LYPD6B: variants seen among roughly 807,000 people sequenced by gnomAD.
LYPD6B encodes LY6/PLAUR domain containing 6B.
A neutral mutation model predicts 22.8 loss-of-function variants in LYPD6B; 17 were observed. That is an observed-to-expected ratio of 0.75 (90% CI 0.51 to 1.12). LYPD6B has a LOEUF of 1.12. LYPD6B is among the 50% of genes most tolerant of loss of function. The pLI is 0.00. For missense variants in LYPD6B, 221 were observed against 258.3 expected, an observed-to-expected ratio of 0.86 and a Z score of 0.99; for synonymous variants, 106 against 91.6, an observed-to-expected ratio of 1.16 and a Z score of -0.90.
At chr2:149,132,997 T>C (rs1189708805) in intron 2 of LYPD6B, among the ~76,000 whole-genome samples, 1 of 152,220 alleles carries the variant, frequency 6.6e-6, no homozygotes, top group South Asian at 2.1e-4. Flanking sequence ...GTTTTGTTTT[T>C]ACTAGGTTCT....
chr2:149,147,503 GT>G (rs897134227), intron 2 of LYPD6B, among the ~76,000 whole-genome samples: 15 of 152,010 alleles, frequency 9.9e-5, no homozygotes, highest in African/African-American at 3.4e-4. Flanking sequence ...TTGTTTTTTT[GT>G]TTTTTGTTTG....
intron 1 of LYPD6B, among the ~76,000 whole-genome samples, chr2:149,121,080 C>A (rs868058187): frequency 1.3e-5 from 2 of 152,152 alleles, no homozygotes; most frequent in Admixed American, 6.5e-5. Context: ...GTATGAGCGA[C>A]CCCGCCTGGC....
chr2:149,074,289 C>CAT (rs1558982324), intron 1 of LYPD6B, among the ~76,000 whole-genome samples: 1 of 151,974 alleles, frequency 6.6e-6, no homozygotes, highest in East Asian at 1.9e-4. Flanking sequence ...CACACACACA[C>CAT]GCACATGTGC....
intron 1 of LYPD6B, among the ~76,000 whole-genome samples, chr2:149,108,211 C>A (rs1284170466): frequency 6.6e-6 from 1 of 152,162 alleles, no homozygotes; most frequent in African/African-American, 2.4e-5. Context: ...ACATGACTTG[C>A]TCCTCCTTGC....
At chr2:149,186,340 G>C (rs899548854) in intron 3 of LYPD6B, among the ~76,000 whole-genome samples, 1 of 152,228 alleles carries the variant, frequency 6.6e-6, no homozygotes, top group Non-Finnish European at 1.5e-5. Flanking sequence ...ACTAACCACA[G>C]CATTCCCTTA....
chr2:149,056,361 A>G (rs1414341128), intron 1 of LYPD6B, among the ~76,000 whole-genome samples: 1 of 152,136 alleles, frequency 6.6e-6, no homozygotes, highest in Non-Finnish European at 1.5e-5. Context: ...AGGAAGTTTC[A>G]TATTCTGGCA....
chr2:149,192,661 G>T (rs1351536958), intron 3 of LYPD6B, among the ~76,000 whole-genome samples: 1 of 152,056 alleles, frequency 6.6e-6, no homozygotes, highest in Admixed American at 6.5e-5. Context: ...ACCTCACAGG[G>T]ATGTGGAGAG....
rs185042283 is a variant in LYPD6B at position 149,108,669 on chromosome 2, A to C, written c.-66-22214A>C. ...GCTGACAACTTTTGACTTTCAGCAC[A>C]GGTGTTAGAACACATATTGAATGTT... is the stretch of plus-strand genomic sequence containing the variant. On this transcript the variant is annotated intron_variant, in intron 1 of 6. Coordinates refer to ENST00000409642, the MANE Select transcript of LYPD6B (RefSeq NM_177964.5). Among the ~76,000 whole-genome samples, 523 of 152,334 alleles carry C rather than the reference A, an allele frequency of 3.4e-3. 3 individuals are homozygous for C. Among genetic ancestry groups the C allele is most frequent in the African/African-American group, 0.012 (505 of 41,570 alleles).
At chr2:149,154,531 A>T (rs1393607501) in intron 2 of LYPD6B, among the ~76,000 whole-genome samples, 1 of 152,140 alleles carries the variant, frequency 6.6e-6, no homozygotes, top group Non-Finnish European at 1.5e-5. Context: ...ACTAATTCAG[A>T]TTATGTTCAG....
intron 3 of LYPD6B, among the ~76,000 whole-genome samples, chr2:149,174,794 G>C (rs924385127): frequency 6.6e-6 from 1 of 151,542 alleles, no homozygotes; most frequent in African/African-American, 2.4e-5. Flanking sequence ...AGGTTGGGGG[G>C]GTGGGAGGAG....
intron 1 of LYPD6B, among the ~76,000 whole-genome samples, chr2:149,100,738 A>G (rs1686165203): frequency 6.6e-6 from 1 of 152,338 alleles, no homozygotes; most frequent in Admixed American, 6.5e-5. Flanking sequence ...TGGTGGCTTT[A>G]TGTAAGCTAT....
At chr2:149,059,222 C>T (rs988656181) in intron 1 of LYPD6B, among the ~76,000 whole-genome samples, 1 of 152,252 alleles carries the variant, frequency 6.6e-6, no homozygotes, top group African/African-American at 2.4e-5. Flanking sequence ...AAGTCCCTAC[C>T]TCTCTGTTCC....
intron 3 of LYPD6B, among the ~76,000 whole-genome samples, chr2:149,191,262 A>C (rs763675013): frequency 2.6e-5 from 4 of 152,186 alleles, no homozygotes; most frequent in Non-Finnish European, 5.9e-5. Flanking sequence ...CTAAACAATT[A>C]AGATAACAAC....
intron 2 of LYPD6B, among the ~76,000 whole-genome samples, chr2:149,156,325 C>T (rs1689698030): frequency 1.3e-5 from 2 of 152,110 alleles, no homozygotes; most frequent in African/African-American, 4.8e-5. Flanking sequence ...GAATGAATGA[C>T]AGTGAGGTCC....
chr2:149,145,646 C>G (rs915738877), intron 2 of LYPD6B, among the ~76,000 whole-genome samples: 1 of 152,148 alleles, frequency 6.6e-6, no homozygotes, highest in African/African-American at 2.4e-5. Flanking sequence ...AGCCTCCCTC[C>G]CTTCTCCCTT....
intron 1 of LYPD6B, among the ~76,000 whole-genome samples, chr2:149,110,220 C>T (rs1686691846): frequency 6.6e-6 from 1 of 151,990 alleles, no homozygotes; most frequent in Non-Finnish European, 1.5e-5. Flanking sequence ...TATATTTCTA[C>T]TTAACTTTTC....
At chr2:149,187,359 A>T (rs1692181296) in intron 3 of LYPD6B, 1 of 1,400,062 alleles carries the variant, frequency 7.1e-7, no homozygotes, top group Non-Finnish European at 9.3e-7. Context: ...AATGGCTATC[A>T]TTTCTGAGCC....
chr2:149,052,204 G>T (rs1424346156), intron 1 of LYPD6B, among the ~76,000 whole-genome samples: 5 of 151,718 alleles, frequency 3.3e-5, no homozygotes, highest in Non-Finnish European at 7.4e-5. Flanking sequence ...TTACAAGCAC[G>T]CCCCACCACA....
rs373722995 is a variant in LYPD6B, at chr2:149,122,738, C to T, written c.-66-8145C>T. ...GGTCACCAGACAGCATTCCACAGGG[C>T]GGTTTCTCACTTTGGGGGCTGAGGG... On this transcript the variant is annotated intron_variant, in intron 1 of 6. Coordinates refer to ENST00000409642, the MANE Select transcript of LYPD6B (RefSeq NM_177964.5). Among the ~76,000 whole-genome samples, 153 of 152,224 alleles carry T rather than the reference C, an allele frequency of 1.0e-3. 1 individual carries two copies. The highest frequency in any genetic ancestry group is 3.3e-3 in the African/African-American group (138 of 41,540).
Sources: allele counts gnomAD v4.1 joint callset (sites outside exome capture counted in the v4.1 genomes callset), GRCh38; gene constraint gnomAD v4.1.1; transcripts MANE v1.5; gene names NCBI Gene and HGNC (gene_info 2026-07-23, HGNC 2026-07-21).